GRM8: variants seen among roughly 807,000 people sequenced by gnomAD.
GRM8 encodes the protein glutamate metabotropic receptor 8.
In GRM8, 47 loss-of-function variants were observed where a neutral mutation model predicts 87.2. The ratio of observed to expected loss-of-function variants is 0.54; its 90% CI spans 0.43 to 0.69. The LOEUF is 0.69. Ranked by LOEUF, GRM8 falls within the 30% of genes least tolerant of loss-of-function variation. The pLI, the probability that GRM8 is intolerant of heterozygous loss-of-function variation, is 0.00. For missense variants in GRM8, 1,019 were observed against 1,139.2 expected, an observed-to-expected ratio of 0.89 and a Z score of 1.52; for synonymous variants, 396 against 404.5, an observed-to-expected ratio of 0.98 and a Z score of 0.25.
intron 9 of GRM8, among the ~76,000 whole-genome samples, chr7:126,490,715 C>T (rs1228622212): frequency 6.6e-6 from 1 of 151,952 alleles, no homozygotes; most frequent in Non-Finnish European, 1.5e-5. Flanking sequence ...ATTCTTCCTC[C>T]CAAATAAACT....
At position 127,105,959 on chromosome 7, in the gene GRM8, T is replaced by C. The variant is rs192590084; in HGVS notation, c.727+537A>G. 3.2e-4 allele frequency among the ~76,000 whole-genome samples: 49 copies of C among 152,260 alleles called. No individual in the cohort carries two copies. The East Asian group carries it at 6.2e-3, about 19-fold the overall frequency. On this transcript the variant is annotated intron_variant, in intron 3 of 10. Transcript: ENST00000339582. Reference sequence around the variant, plus strand: ...CTTGTTGTAAACAAGTTTTTACATCTTGTCCTTCATCACACCCTAAGCTTC... The same window carrying C: ...CTTGTTGTAAACAAGTTTTTACATCCTGTCCTTCATCACACCCTAAGCTTC...
intron 7 of GRM8, among the ~76,000 whole-genome samples, chr7:126,632,449 T>G (rs1801425611): frequency 6.6e-6 from 1 of 152,112 alleles, no homozygotes; most frequent in African/African-American, 2.4e-5. Context: ...GTAAATTAAT[T>G]TACCCACTGT....
intron 8 of GRM8, among the ~76,000 whole-genome samples, chr7:126,573,272 C>T (rs1358304194): frequency 6.6e-6 from 1 of 152,012 alleles, no homozygotes; most frequent in Non-Finnish European, 1.5e-5. Flanking sequence ...GGATAGAATG[C>T]CAGTGTTCAC....
chr7:127,241,648 G>C (rs17866154), intron 2 of GRM8, among the ~76,000 whole-genome samples: 18,716 of 152,024 alleles, frequency 0.12, 1,376 homozygotes, highest in Middle Eastern at 0.22. Context: ...TGTTAGCCAG[G>C]ATGGTCTCAA....
intron 3 of GRM8, among the ~76,000 whole-genome samples, chr7:127,092,792 T>C (rs1023818289): frequency 6.6e-6 from 1 of 152,174 alleles, no homozygotes; most frequent in African/African-American, 2.4e-5. Flanking sequence ...TGAGGTGGCA[T>C]GCGTGACTCT....
chr7:126,671,310 T>C (rs1207964374), intron 7 of GRM8, among the ~76,000 whole-genome samples: 1 of 152,214 alleles, frequency 6.6e-6, no homozygotes, highest in East Asian at 1.9e-4. Context: ...AAAGGTCTTA[T>C]CTAAGATTCC....
chr7:127,088,516 T>C (rs1053904915), intron 3 of GRM8, among the ~76,000 whole-genome samples: 5 of 152,220 alleles, frequency 3.3e-5, no homozygotes, highest in African/African-American at 7.2e-5. Context: ...TTAGATCCTA[T>C]TTTTCAGGGG....
At chr7:126,479,362 C>T (rs754407538) in intron 9 of GRM8, among the ~76,000 whole-genome samples, 31 of 152,020 alleles carry the variant, frequency 2.0e-4, no homozygotes, top group South Asian at 4.2e-4. Context: ...TCCCTGTACC[C>T]ATTAGCAATA....
Position 126,533,008 on chromosome 7 carries a change from T to C in GRM8, c.2374A>G (p.Ile792Val), listed in dbSNP as rs1327095927. The C allele has an allele frequency of 6.2e-7, 1 of 1,613,472 alleles. No homozygotes were observed. The highest frequency in any genetic ancestry group is 2.2e-5 in the East Asian group (1 of 44,826). ...PIGFTMYTTC[I>V]IWLAFIPIFF... ...ATGGGGATGAAAGCTAACCAAATGA[T>C]GCAGGTGGTATACATGGTAAATCCA... Residue 792 changes from isoleucine (I) to valine (V), a missense_variant, in exon 9 of 11, where the codon ATC (isoleucine) becomes GTC (valine). Transcript: ENST00000339582.
intron 3 of GRM8, among the ~76,000 whole-genome samples, chr7:126,988,439 T>C (rs1026725927): frequency 6.6e-6 from 1 of 152,210 alleles, no homozygotes; most frequent in Non-Finnish European, 1.5e-5. Context: ...GTGATAGAAT[T>C]TAGTTATAAA....
rs761651446 is a variant in GRM8 at position 126,535,547 on chromosome 7, T to C, written c.1495-1660A>G. 8.1e-4 allele frequency among the ~76,000 whole-genome samples: 123 copies of C among 152,330 alleles called. 1 individual carries two copies. Among genetic ancestry groups the C allele is most frequent in the Admixed American group, 2.2e-3 (34 of 15,304 alleles). ...GCAGCAGCTCAGGGCAGTTCTGCAATTGTGTTTATACCTACTTTCAATTGC... is the reference window on the plus strand; with the variant it reads ...GCAGCAGCTCAGGGCAGTTCTGCAACTGTGTTTATACCTACTTTCAATTGC... On this transcript the variant is annotated intron_variant, in intron 8 of 10. Transcript: ENST00000339582.
At chr7:127,165,165 T>TAC (rs1793371305) in intron 2 of GRM8, among the ~76,000 whole-genome samples, 1 of 62,496 alleles carries the variant, frequency 1.6e-5, no homozygotes, top group African/African-American at 9.8e-5. Flanking sequence ...TATATATATA[T>TAC]ATATATATAT....
intron 9 of GRM8, among the ~76,000 whole-genome samples, chr7:126,527,698 A>T (rs1369242036): frequency 1.3e-5 from 2 of 152,214 alleles, no homozygotes; most frequent in Non-Finnish European, 2.9e-5. Flanking sequence ...AATTATTCAC[A>T]TTCCAAATTA....
At chr7:127,238,201 C>G (rs993051930) in intron 2 of GRM8, among the ~76,000 whole-genome samples, 1 of 151,990 alleles carries the variant, frequency 6.6e-6, no homozygotes, top group Non-Finnish European at 1.5e-5. Flanking sequence ...TCACATTATC[C>G]TAATTGATAC....
intron 7 of GRM8, among the ~76,000 whole-genome samples, chr7:126,609,711 G>A (rs1228336230): frequency 6.6e-6 from 1 of 152,116 alleles, no homozygotes; most frequent in African/African-American, 2.4e-5. Context: ...GTGCTTTATT[G>A]TACATATTAG....
intron 7 of GRM8, among the ~76,000 whole-genome samples, chr7:126,643,899 C>T (rs1214599818): frequency 6.6e-6 from 1 of 152,230 alleles, no homozygotes; most frequent in Admixed American, 6.5e-5. Context: ...CACCGAAGGT[C>T]GTGCAGAATG....
intron 3 of GRM8, among the ~76,000 whole-genome samples, chr7:126,936,844 C>G (rs1327815547): frequency 6.6e-6 from 1 of 152,172 alleles, no homozygotes; most frequent in Non-Finnish European, 1.5e-5. Context: ...CCTGGGCCAC[C>G]TACCCACCTT....
intron 8 of GRM8, among the ~76,000 whole-genome samples, chr7:126,555,921 C>T (rs1472784432): frequency 2.0e-5 from 3 of 152,168 alleles, no homozygotes; most frequent in African/African-American, 7.2e-5. Context: ...TCAAGGAAAA[C>T]TCATATCTCA....
chr7:126,482,830 A>C (rs1806854886), intron 9 of GRM8, among the ~76,000 whole-genome samples: 1 of 151,946 alleles, frequency 6.6e-6, no homozygotes, highest in Non-Finnish European at 1.5e-5. Flanking sequence ...AGTTTAAAAA[A>C]TAGAAAAAAA....
Sources: gnomAD v4.1 joint callset for allele counts (sites outside exome capture counted in the v4.1 genomes callset) on GRCh38, gnomAD v4.1.1 for gene constraint, MANE v1.5 for transcripts, NCBI Gene and HGNC (gene_info 2026-07-23, HGNC 2026-07-21) for gene names.